LRP1B: variants seen among roughly 807,000 people sequenced by gnomAD.
The protein encoded by LRP1B is LDL receptor related protein 1B, also known as low-density lipoprotein receptor-related protein 1B.
LRP1B carries 217 observed loss-of-function variants against 556.6 expected under a neutral mutation model. The ratio of observed to expected loss-of-function variants is 0.39; its 90% CI spans 0.35 to 0.44. The LOEUF (loss-of-function observed/expected upper bound fraction) is 0.44, where lower values mean the gene tolerates loss of function less well. LRP1B is among the 20% of genes least tolerant of loss of function. LRP1B has a pLI of 1.00. For missense variants in LRP1B, 5,053 were observed against 5,620.8 expected, an observed-to-expected ratio of 0.90 and a Z score of 3.23; for synonymous variants, 2,047 against 1,865.8, an observed-to-expected ratio of 1.10 and a Z score of -2.50.
intron 52 of LRP1B, among the ~76,000 whole-genome samples, chr2:140,507,757 T>A (rs544659668): frequency 1.3e-5 from 2 of 152,276 alleles, no homozygotes; most frequent in East Asian, 3.9e-4. Flanking sequence ...GGACTCAAGG[T>A]TTGGGGTATT....
At chr2:141,043,260 T>G (rs1472683368) in intron 11 of LRP1B, among the ~76,000 whole-genome samples, 5 of 137,890 alleles carry the variant, frequency 3.6e-5, no homozygotes, top group African/African-American at 7.8e-5. Context: ...ATAAATAAAA[T>G]AAAAAGAAAA....
chr2:140,930,066 TC>T (rs1280192220), intron 20 of LRP1B, among the ~76,000 whole-genome samples: 1 of 152,078 alleles, frequency 6.6e-6, no homozygotes, highest in Non-Finnish European at 1.5e-5. Context: ...CAGCTTGAGT[TC>T]CAAGCCGGTA....
At chr2:141,592,960 A>C (rs1211508379) in intron 2 of LRP1B, among the ~76,000 whole-genome samples, 1 of 152,178 alleles carries the variant, frequency 6.6e-6, no homozygotes, top group Non-Finnish European at 1.5e-5. Context: ...AGTCTCCCTT[A>C]TTTCTACAAA....
At chr2:142,070,763 T>C (rs982493873) in intron 1 of LRP1B, among the ~76,000 whole-genome samples, 2 of 151,958 alleles carry the variant, frequency 1.3e-5, no homozygotes, top group African/African-American at 4.8e-5. Flanking sequence ...ATCATTTCCT[T>C]ATGAAGGATT....
chr2:141,826,093 G>T (rs1696910216), intron 1 of LRP1B, among the ~76,000 whole-genome samples: 1 of 151,402 alleles, frequency 6.6e-6, no homozygotes, highest in South Asian at 2.1e-4. Flanking sequence ...CAATCAAAAA[G>T]AAAAAAAATC....
At chr2:140,873,707 C>T (rs1023349035) in intron 25 of LRP1B, among the ~76,000 whole-genome samples, 28 of 151,670 alleles carry the variant, frequency 1.8e-4, no homozygotes, top group African/African-American at 6.8e-4. Context: ...TGTAAACAAA[C>T]TCATCATAAT....
chr2:140,451,365 A>T (rs1487743041), intron 62 of LRP1B, among the ~76,000 whole-genome samples: 2 of 152,206 alleles, frequency 1.3e-5, no homozygotes, highest in East Asian at 1.9e-4. Flanking sequence ...GCAAACACTA[A>T]ATAGGGCTAA....
intron 2 of LRP1B, among the ~76,000 whole-genome samples, chr2:141,721,872 TA>T (rs1358745075): frequency 6.6e-6 from 1 of 152,082 alleles, no homozygotes; most frequent in Non-Finnish European, 1.5e-5. Context: ...TCCAGACCAT[TA>T]AAACGACCAA....
At chr2:140,957,972 T>C (rs571190970) in intron 18 of LRP1B, among the ~76,000 whole-genome samples, 47 of 151,610 alleles carry the variant, frequency 3.1e-4, no homozygotes, top group Admixed American at 7.3e-4. Flanking sequence ...AGTCACGAGC[T>C]CTACTTCCTG....
intron 43 of LRP1B, among the ~76,000 whole-genome samples, chr2:140,554,567 C>T (rs1354546660): frequency 2.0e-5 from 3 of 151,950 alleles, no homozygotes; most frequent in Admixed American, 6.6e-5. Flanking sequence ...GGTAAAATGG[C>T]TTCTTTTTCC....
intron 20 of LRP1B, among the ~76,000 whole-genome samples, chr2:140,941,516 A>G (rs1021848723): frequency 6.6e-6 from 1 of 152,168 alleles, no homozygotes; most frequent in African/African-American, 2.4e-5. Context: ...TTGAAATACG[A>G]AAGACATGAG....
chr2:141,024,250 C>G (rs535019837), intron 11 of LRP1B, among the ~76,000 whole-genome samples: 1 of 152,064 alleles, frequency 6.6e-6, no homozygotes, highest in Admixed American at 6.6e-5. Flanking sequence ...TCCCTAATGG[C>G]CAGCTGAGGC....
chr2:140,424,747 C>T lies in LRP1B; in HGVS notation c.10414+17757G>A, dbSNP rs537769276. ...AATACACCAGATAGTTCAAACAGTG[C>T]GTGAACATGCTGCTAGATAACCTTG... On this transcript the variant is annotated intron_variant, in intron 66 of 90. Transcript: ENST00000389484. 2.7e-4 allele frequency among the ~76,000 whole-genome samples: 41 copies of T among 152,230 alleles called. 1 individual carries two copies. In the South Asian group the frequency reaches 6.4e-3, roughly 24 times the overall value.
chr2:141,049,768 A>C (rs192821334), intron 10 of LRP1B, among the ~76,000 whole-genome samples: 1 of 152,198 alleles, frequency 6.6e-6, no homozygotes, highest in African/African-American at 2.4e-5. Flanking sequence ...TTTTAGAAAT[A>C]AAATTAAATA....
At chr2:141,447,626 C>T (rs1032878326) in intron 3 of LRP1B, among the ~76,000 whole-genome samples, 28 of 152,266 alleles carry the variant, frequency 1.8e-4, no homozygotes, top group African/African-American at 2.9e-4. Context: ...GATGTTGATG[C>T]TATTCCTTTC....
chr2:141,241,451 AG>A (rs1683874765), intron 5 of LRP1B, among the ~76,000 whole-genome samples: 1 of 152,146 alleles, frequency 6.6e-6, no homozygotes, highest in South Asian at 2.1e-4. Flanking sequence ...CTTGGTGGAG[AG>A]GACACACTTA....
intron 2 of LRP1B, among the ~76,000 whole-genome samples, chr2:141,735,433 C>G (rs1194298487): frequency 1.5e-5 from 2 of 135,410 alleles, no homozygotes; most frequent in Non-Finnish European, 3.1e-5. Flanking sequence ...AGGATTCACA[C>G]ATTTTCCAAT....
rs1693586644 is a variant in LRP1B, at chr2:141,738,733, T to A, written c.205+71546A>T. On this transcript the variant is annotated intron_variant, in intron 2 of 90. Transcript: ENST00000389484. The stretch of plus-strand genomic sequence containing the variant: ...TTGTGTTTTGTCGCTTGATAAGCAG[T>A]CTCTTTCGTATAAAACTGCTAAATG... 2.0e-5 allele frequency among the ~76,000 whole-genome samples: 3 copies of A among 152,244 alleles called. No homozygotes were observed. In the South Asian group the frequency reaches 6.2e-4, roughly 32 times the overall value.
At chr2:140,235,234 T>G (rs1680645235) in intron 89 of LRP1B, among the ~76,000 whole-genome samples, 1 of 151,232 alleles carries the variant, frequency 6.6e-6, no homozygotes, top group African/African-American at 2.4e-5. Flanking sequence ...GTTCTGTGGT[T>G]ACCCCCATAG....
Sources: allele counts gnomAD v4.1 joint callset (sites outside exome capture counted in the v4.1 genomes callset), GRCh38; gene constraint gnomAD v4.1.1; transcripts MANE v1.5; gene names NCBI Gene and HGNC (gene_info 2026-07-23, HGNC 2026-07-21).